Variants in ADAMTS16 observed in about 807,000 individuals in gnomAD.
The protein encoded by ADAMTS16 is A disintegrin and metalloproteinase with thrombospondin motifs 16.
ADAMTS16 carries 94 observed loss-of-function variants against 145.8 expected under a neutral mutation model. The observed-to-expected ratio is 0.64, with a 90% CI of 0.55 to 0.77. The LOEUF is 0.77. ADAMTS16 is among the 30% of genes least tolerant of loss of function. The pLI is 0.00. For missense variants in ADAMTS16, 1,585 were observed against 1,591.5 expected (o/e 1.00, Z 0.07); for synonymous variants, 659 against 604.3 (o/e 1.09, Z -1.33).
At position 5,239,786 on chromosome 5, in the gene ADAMTS16, A is replaced by T. The variant is rs560982410; in HGVS notation, c.2384A>T (p.Tyr795Phe). 1.0e-4 allele frequency: 162 copies of T among 1,614,164 alleles called. 2 individuals are homozygous for T. In the South Asian group the frequency reaches 1.4e-3, roughly 14 times the overall value. ...TCTGTGCGCAATGCCCTCAGAAGGT[A>T]CTACCTGAATGGGCACTGGACCGTG... is the stretch of plus-strand genomic sequence containing the variant. ...YISVRNALRRYYLNGHWTVDW... is the reference protein window; with the variant it reads ...YISVRNALRRFYLNGHWTVDW... Residue 795 changes from tyrosine to phenylalanine, a missense_variant, in exon 16 of 23, where the codon TAC (tyrosine) becomes TTC (phenylalanine). Physicochemically the swap from Tyr to Phe is conservative, Grantham distance 22. Transcript: ENST00000274181.
At position 5,145,447 on chromosome 5, in the gene ADAMTS16, C is replaced by T. The variant is rs144618178; in HGVS notation, c.176-683C>T. ...GAATATTCAGTGATGGCACAGCAGT[C>T]ATTGAAATCAGCCATGAGGGGAAGA... On this transcript the variant is annotated intron_variant, in intron 2 of 22. Coordinates refer to ENST00000274181, the MANE Select transcript of ADAMTS16 (RefSeq NM_139056.4). Among the ~76,000 whole-genome samples, 326 of 152,260 alleles carry T rather than the reference C, an allele frequency of 2.1e-3. 1 individual carries two copies. Among genetic ancestry groups the T allele is most frequent in the African/African-American group, 7.4e-3 (309 of 41,544 alleles).
At chr5:5,173,821 G>A (rs1293088816) in intron 3 of ADAMTS16, among the ~76,000 whole-genome samples, 1 of 152,134 alleles carries the variant, frequency 6.6e-6, no homozygotes, top group Non-Finnish European at 1.5e-5. Context: ...CAAGTAAAGA[G>A]AAAACTAATA....
At chr5:5,207,901 C>T (rs1736172917) in intron 9 of ADAMTS16, among the ~76,000 whole-genome samples, 1 of 152,072 alleles carries the variant, frequency 6.6e-6, no homozygotes, top group Non-Finnish European at 1.5e-5. Context: ...TATAGTTCTT[C>T]TCATGCATTG....
chr5:5,237,423 G>C (rs1737142739), intron 14 of ADAMTS16, among the ~76,000 whole-genome samples: 1 of 152,200 alleles, frequency 6.6e-6, no homozygotes, highest in Admixed American at 6.5e-5. Context: ...CAGGAAAATA[G>C]AGAGGGGACG....
chr5:5,279,375 T>C (rs1339423045), intron 18 of ADAMTS16, among the ~76,000 whole-genome samples: 1 of 152,208 alleles, frequency 6.6e-6, no homozygotes, highest in African/African-American at 2.4e-5. Context: ...GAGAAGTCCA[T>C]TGTTCCTCTA....
At chr5:5,160,816 T>C (rs896288663) in intron 3 of ADAMTS16, among the ~76,000 whole-genome samples, 1 of 150,760 alleles carries the variant, frequency 6.6e-6, no homozygotes, top group East Asian at 2.0e-4. Context: ...GTGTGCACCA[T>C]TGGCTGAGAA....
At chr5:5,230,965 T>C (rs1736902668) in intron 11 of ADAMTS16, among the ~76,000 whole-genome samples, 1 of 152,210 alleles carries the variant, frequency 6.6e-6, no homozygotes, top group Non-Finnish European at 1.5e-5. Flanking sequence ...TTATGTTTCA[T>C]GTCTCCTGCA....
At position 5,140,549 on chromosome 5, in the gene ADAMTS16, G is replaced by T. The variant is rs1449651346; in HGVS notation, c.72+10G>T. On this transcript the variant is annotated intron_variant, in intron 1 of 22. Transcript: ENST00000274181. The stretch of plus-strand genomic sequence containing the variant: ...GCAGGTGGCCGAGCAGGTGAGTCCC[G>T]GGCGCTCCCACCAGCGCGGAAACCG... The T allele has an allele frequency of 6.6e-7, 1 of 1,507,548 alleles. No homozygotes were observed. Among genetic ancestry groups the T allele is most frequent in the East Asian group, 2.6e-5 (1 of 38,292 alleles). 93.4% of individuals were successfully genotyped at this position (1,507,548 alleles called of 1,614,324 possible).
intron 18 of ADAMTS16, among the ~76,000 whole-genome samples, chr5:5,294,639 C>T (rs1739457464): frequency 6.6e-6 from 1 of 152,184 alleles, no homozygotes; most frequent in Non-Finnish European, 1.5e-5. Flanking sequence ...TTGTCTACTG[C>T]AGTCTAGACA....
At chr5:5,212,572 G>C (rs993306926) in intron 10 of ADAMTS16, among the ~76,000 whole-genome samples, 1 of 152,034 alleles carries the variant, frequency 6.6e-6, no homozygotes, top group African/African-American at 2.4e-5. Flanking sequence ...TACTTTGCTT[G>C]ATTTCTACTT....
At chr5:5,232,632 C>A (rs1447554009) in intron 12 of ADAMTS16, 116 bp downstream of exon 12, 7 of 1,281,868 alleles carry the variant, frequency 5.5e-6, no homozygotes, top group Non-Finnish European at 6.4e-6. Flanking sequence ...GAGATGGAGT[C>A]TCGCTCTGTC....
At chr5:5,290,397 G>A (rs1237683968) in intron 18 of ADAMTS16, among the ~76,000 whole-genome samples, 1 of 152,208 alleles carries the variant, frequency 6.6e-6, no homozygotes, top group African/African-American at 2.4e-5. Flanking sequence ...GCTCATGCGT[G>A]TAATCCCAGC....
chr5:5,151,739 G>A (rs895042167), intron 3 of ADAMTS16, among the ~76,000 whole-genome samples: 4 of 148,630 alleles, frequency 2.7e-5, no homozygotes, highest in Non-Finnish European at 5.9e-5. Flanking sequence ...TGTGTGGGGG[G>A]TAAGAGCACC....
At chr5:5,263,176 G>GA (rs1738096651) in intron 18 of ADAMTS16, among the ~76,000 whole-genome samples, 1 of 152,200 alleles carries the variant, frequency 6.6e-6, no homozygotes, top group Non-Finnish European at 1.5e-5. Context: ...TGCCAGTGGG[G>GA]AAGGAACCCT....
At chr5:5,194,071 C>T (rs1420965519) in intron 8 of ADAMTS16, among the ~76,000 whole-genome samples, 1 of 151,986 alleles carries the variant, frequency 6.6e-6, no homozygotes, top group African/African-American at 2.4e-5. Context: ...CACTGCACTC[C>T]AGCCTGGGTG....
At chr5:5,306,483 C>A (rs374689770) in intron 20 of ADAMTS16, 21 bp from the exon 21 acceptor site, 31 of 1,591,050 alleles carry the variant, frequency 1.9e-5, no homozygotes, top group Non-Finnish European at 2.5e-5. Context: ...TCACTGACTT[C>A]TTTTGTTCTC....
chr5:5,303,565 T>C lies in ADAMTS16; in HGVS notation c.2992-7T>C, dbSNP rs374306606. 17 of 1,613,832 alleles carry C rather than the reference T, an allele frequency of 1.1e-5. No individual in the cohort carries two copies. The African/African-American group carries it at 1.7e-4, about 16-fold the overall frequency. On this transcript the variant is annotated splice_polypyrimidine_tract_variant and splice_region_variant and intron_variant, in intron 19 of 22. Coordinates refer to ENST00000274181, the MANE Select transcript of ADAMTS16 (RefSeq NM_139056.4). ...CACTGGGTGCTTATCCTGACTGTTC[T>C]GTGCAGTGCTCACACACCTGTGGGA...
chr5:5,235,994 T>A (rs925932647), intron 13 of ADAMTS16, among the ~76,000 whole-genome samples: 1 of 152,228 alleles, frequency 6.6e-6, no homozygotes, highest in Admixed American at 6.5e-5. Context: ...GTTGTCCCTT[T>A]ACTCCTAAAT....
At chr5:5,161,596 G>A (rs1006949314) in intron 3 of ADAMTS16, among the ~76,000 whole-genome samples, 1 of 152,206 alleles carries the variant, frequency 6.6e-6, no homozygotes, top group African/African-American at 2.4e-5. Flanking sequence ...GTTGGATGCT[G>A]TGGATAATTT....
Sources: allele counts gnomAD v4.1 joint callset (sites outside exome capture counted in the v4.1 genomes callset), GRCh38; gene constraint gnomAD v4.1.1; transcripts MANE v1.5; gene names NCBI Gene and HGNC (gene_info 2026-07-23, HGNC 2026-07-21).